Variants in CROCC observed in about 807,000 individuals in gnomAD.
CROCC encodes the protein rootletin.
A neutral mutation model predicts 245.2 loss-of-function variants in CROCC; 180 were observed. That is an observed-to-expected ratio of 0.73 (90% CI 0.65 to 0.83). The LOEUF (loss-of-function observed/expected upper bound fraction) is 0.83. Ranked by LOEUF, CROCC falls within the 40% of genes least tolerant of loss-of-function variation. CROCC has a pLI of 0.00. For synonymous variants in CROCC, 1,205 were observed against 1,241.6 expected (o/e 0.97, Z 0.62); for missense variants, 2,688 against 2,779.4 (o/e 0.97, Z 0.74).
chr1:16,966,353 TTTGG>T lies in CROCC; in HGVS notation c.4697-54_4697-51del. The T allele has an allele frequency of 6.8e-7, 1 of 1,472,594 alleles. No individual in the cohort carries two copies. The highest frequency in any genetic ancestry group is 9.0e-7 in the Non-Finnish European group (1 of 1,110,302). 91.2% of individuals were successfully genotyped at this position (1,472,594 alleles called of 1,614,324 possible). On this transcript the variant is annotated intron_variant, in intron 29 of 36. Coordinates refer to ENST00000375541, the MANE Select transcript of CROCC (RefSeq NM_014675.5). This position sits in a 1 kb window ranked among gnomAD's most constrained non-coding sequence, Gnocchi z 4.8. ...GCAGGCTGGACATTTTGTGACCTGG[TTTGG>T]GTCTCGGGGCTGTGCTTGGCCATGC...
upstream of CROCC, among the ~76,000 whole-genome samples, chr1:16,921,019 C>T (rs2075392175): frequency 1.3e-5 from 2 of 152,408 alleles, no homozygotes; most frequent in African/African-American, 2.4e-5. Flanking sequence ...GCCGAGATTA[C>T]AGGCATGAGT....
At chr1:16,961,486 G>A (rs947070786) in intron 27 of CROCC, among the ~76,000 whole-genome samples, 7 of 152,040 alleles carry the variant, frequency 4.6e-5, no homozygotes, top group Non-Finnish European at 7.4e-5. Flanking sequence ...TGCCCAGGCT[G>A]GTCTTAAACT....
chr1:16,924,656 G>A (rs1402798982), intron 3 of CROCC, among the ~76,000 whole-genome samples, 177 bp downstream of exon 3: 2 of 152,284 alleles, frequency 1.3e-5, no homozygotes, highest in African/African-American at 4.8e-5. Flanking sequence ...TGCTCTTTAA[G>A]CCTGTTTTCT....
rs2076537846 is a variant in CROCC, at chr1:16,972,463, G to A, written c.*17G>A. On this transcript the variant is annotated 3_prime_UTR_variant, in exon 37 of 37. Transcript: ENST00000375541. ...GAGAAATGAGCTCCTGCTGGCATCTGGAGAACACCCCTGTGCCTGGGACAG... is the reference window on the plus strand; with the variant it reads ...GAGAAATGAGCTCCTGCTGGCATCTAGAGAACACCCCTGTGCCTGGGACAG... 4 of 1,602,424 alleles carry A rather than the reference G, an allele frequency of 2.5e-6. No individual in the cohort carries two copies. The highest frequency in any genetic ancestry group is 3.4e-6 in the Non-Finnish European group (4 of 1,170,842).
chr1:16,940,724 T>C (rs2075911368), intron 13 of CROCC: 3 of 243,202 alleles, frequency 1.2e-5, no homozygotes, highest in Non-Finnish European at 2.5e-5. Flanking sequence ...TGTTTTGTTT[T>C]GTTTTGTTTT....
chr1:16,966,257 A>G lies in CROCC; in HGVS notation c.4696+138A>G. The G allele has an allele frequency of 6.9e-7, 1 of 1,445,306 alleles. No individual in the cohort carries two copies. Among genetic ancestry groups the G allele is most frequent in the Non-Finnish European group, 9.2e-7 (1 of 1,089,674 alleles). The allele number at this position is 1,445,306 out of a possible 1,614,324, so 89.5% of individuals were successfully genotyped here. ...CTGTCTCCAAGAGGACCCTCCTTGG[A>G]CAGCCTCACCTGTGTGCAGGCCCGC... On this transcript the variant is annotated intron_variant, in intron 29 of 36. Coordinates refer to ENST00000375541, the MANE Select transcript of CROCC (RefSeq NM_014675.5). This position sits in a 1 kb window ranked among gnomAD's most constrained non-coding sequence, Gnocchi z 4.8.
chr1:16,929,927 C>G lies in CROCC; in HGVS notation c.433C>G (p.Arg145Gly). 2 of 1,588,768 alleles carry G rather than the reference C, an allele frequency of 1.3e-6. No individual in the cohort carries two copies. Among genetic ancestry groups the G allele is most frequent in the Non-Finnish European group, 1.7e-6 (2 of 1,170,902 alleles). Residue 145 changes from arginine to glycine, a missense_variant, in exon 4 of 37, where the codon CGG (arginine) becomes GGG (glycine). Arg to Gly is a moderately radical substitution (Grantham distance 125, BLOSUM62 -2). This residue lies in a region of CROCC where 972 missense variants were observed against 895.3 expected (regional missense o/e 1.09). Coordinates refer to ENST00000375541, the MANE Select transcript of CROCC (RefSeq NM_014675.5). The stretch of plus-strand genomic sequence containing the variant: ...GCTGGTACGGCAGAGCGTGGAGTTG[C>G]GGAGGCAGCTGCAGGAGGAGCAGGC... The part of the protein sequence containing the change: ...RGLVRQSVEL[R>G]RQLQEEQASY...
chr1:16,931,012 G>A (rs1304755889), intron 7 of CROCC, among the ~76,000 whole-genome samples: 6 of 152,272 alleles, frequency 3.9e-5, no homozygotes, highest in African/African-American at 1.4e-4. Context: ...CATGCAACTG[G>A]CAGCTGGGAT....
chr1:16,938,460 C>T lies in CROCC; in HGVS notation c.1351C>T (p.Gln451Ter), dbSNP rs766907213. 7.6e-6 allele frequency: 12 copies of T among 1,579,496 alleles called. No individual in the cohort carries two copies. The highest frequency in any genetic ancestry group is 1.8e-5 in the Admixed American group (1 of 54,836). The change falls in exon 11 of 37, where the codon CAG becomes TAG. Residue 451 changes from glutamine to a stop codon, truncating the protein, a stop_gained. Transcript: ENST00000375541. LOFTEE classifies it high-confidence loss of function. ...GACAGAGGATGGAGAGGGGCTACAG[C>T]AGACCCTAAGGGACCTGGCACAGGT... ...LETEDGEGLQ[Q>*]TLRDLAQAVL...
At chr1:16,948,585 C>G in intron 18 of CROCC, 61 bp downstream of exon 18, 2 of 1,474,016 alleles carry the variant, frequency 1.4e-6, no homozygotes, top group East Asian at 2.5e-5. Context: ...ACACCATGAC[C>G]AGCCACACGC....
intron 3 of CROCC, among the ~76,000 whole-genome samples, chr1:16,927,372 G>A (rs1222638107): frequency 5.9e-5 from 9 of 152,188 alleles, no homozygotes; most frequent in Non-Finnish European, 1.0e-4. Flanking sequence ...GCCACCAATC[G>A]GCCCACAAAG....
intron 3 of CROCC, among the ~76,000 whole-genome samples, chr1:16,925,883 A>G (rs2075523768): frequency 6.6e-6 from 1 of 152,242 alleles, no homozygotes; most frequent in African/African-American, 2.4e-5. Flanking sequence ...GGCCCCAGTC[A>G]TGAATTGTGG....
chr1:16,946,968 CAGCTGCAGGAGCAGCT>C lies in CROCC; in HGVS notation c.2495_2510del (p.Leu832ArgfsTer7). On this transcript the variant is annotated frameshift_variant, in exon 17 of 37. Transcript: ENST00000375541. LOFTEE classifies it high-confidence loss of function. ...CCCCACGCTGCGCCATGAGCGCAGCCAGCTGCAGGAGCAGCTAGCGCAGGTGGGCAAAGCTGTGTGT... is the reference window on the plus strand; with the variant it reads ...CCCCACGCTGCGCCATGAGCGCAGCCAGCGCAGGTGGGCAAAGCTGTGTGT... 2 of 1,555,038 alleles carry C rather than the reference CAGCTGCAGGAGCAGCT, an allele frequency of 1.3e-6. No individual in the cohort carries two copies. Among genetic ancestry groups the C allele is most frequent in the Non-Finnish European group, 1.7e-6 (2 of 1,150,112 alleles).
At position 16,970,455 on chromosome 1, in the gene CROCC, T is replaced by A. The variant is rs755478783; in HGVS notation, c.5652+2T>A. 1.1e-5 allele frequency: 17 copies of A among 1,572,958 alleles called. No individual in the cohort carries two copies. Among genetic ancestry groups the A allele is most frequent in the Non-Finnish European group, 1.4e-5 (16 of 1,155,700 alleles). On this transcript the variant is annotated splice_donor_variant, in intron 34 of 36. Coordinates refer to ENST00000375541, the MANE Select transcript of CROCC (RefSeq NM_014675.5). LOFTEE classifies it high-confidence loss of function. ...GCCCTCAGGAGGACGCTGGACAAGG[T>A]AGGCTGCTCCCCAGGCTCTCCCCTC...
Position 16,972,517 on chromosome 1 carries a change from C to T in CROCC, c.*71C>T. ...AGGACCCTTCTTTTGGACAGCCCCC[C>T]CACCCAGAGCCCGGTCCCTTGGGGG... On this transcript the variant is annotated 3_prime_UTR_variant, in exon 37 of 37. Coordinates refer to ENST00000375541, the MANE Select transcript of CROCC (RefSeq NM_014675.5). 9.9e-7 allele frequency: 1 copy of T among 1,014,160 alleles called. No homozygotes were observed. Among genetic ancestry groups the T allele is most frequent in the South Asian group, 1.7e-5 (1 of 57,256 alleles). The allele number at this position is 1,014,160 out of a possible 1,614,324, so 62.8% of individuals were successfully genotyped here. A position where few individuals can be genotyped will look rare whatever the true frequency, so the allele number is the denominator to read the frequency against.
chr1:16,937,671 T>C lies in CROCC; in HGVS notation c.1224T>C (p.Arg408=). 6.2e-7 allele frequency: 1 copy of C among 1,611,570 alleles called. No homozygotes were observed. Among genetic ancestry groups the C allele is most frequent in the Non-Finnish European group, 8.5e-7 (1 of 1,179,592 alleles). The change falls in exon 10 of 37, where the codon CGT becomes CGC. Residue 408 remains arginine (R), a synonymous_variant. Coordinates refer to ENST00000375541, the MANE Select transcript of CROCC (RefSeq NM_014675.5). The part of the protein sequence containing the change: ...RVTELGLAVK[R]LEKQNLEKDQ... The stretch of plus-strand genomic sequence containing the variant: ...CAGAGCTGGGCCTGGCAGTGAAGCG[T>C]CTTGAGAAGCAGAATCTGGAGAAGG...
chr1:16,949,138 G>A (rs1373940060), intron 19 of CROCC, among the ~76,000 whole-genome samples: 1 of 152,286 alleles, frequency 6.6e-6, no homozygotes, highest in Non-Finnish European at 1.5e-5. Flanking sequence ...ATTGGAGGTG[G>A]CAATGCCCAC....
Position 16,939,957 on chromosome 1 carries a change from G to C in CROCC, c.1672G>C (p.Asp558His). The C allele has an allele frequency of 1.9e-6, 3 of 1,612,810 alleles. No individual in the cohort carries two copies. The highest frequency in any genetic ancestry group is 2.7e-5 in the African/African-American group (2 of 75,052). The change falls in exon 13 of 37, where the codon GAC becomes CAC. Residue 558 changes from aspartate to histidine, a missense_variant. Coordinates refer to ENST00000375541, the MANE Select transcript of CROCC (RefSeq NM_014675.5). ...LLGTLRKQLS[D>H]SESERRALEE... ...GGGCACCCTGCGGAAGCAGCTTAGC[G>C]ACAGCGAGAGCGAGCGGCGGGCCCT... is the stretch of plus-strand genomic sequence containing the variant.
chr1:16,962,875 T>C (rs1241243197), intron 27 of CROCC, among the ~76,000 whole-genome samples: 1 of 151,548 alleles, frequency 6.6e-6, no homozygotes, highest in Non-Finnish European at 1.5e-5. Context: ...TGCCGCTCAG[T>C]TGTACACTTA....
Sources: gnomAD v4.1 joint callset for allele counts (sites outside exome capture counted in the v4.1 genomes callset) on GRCh38, gnomAD v4.1.1 for gene constraint, gnomAD v4.1.1 regional missense constraint, Gnocchi (gnomAD v3.1) non-coding constraint, MANE v1.5 for transcripts, NCBI Gene and HGNC (gene_info 2026-07-23, HGNC 2026-07-21) for gene names.